FAR1: variants seen among roughly 807,000 people sequenced by gnomAD.
FAR1 encodes male sterility domain-containing protein 2.
FAR1 carries 22 observed loss-of-function variants against 61.1 expected under a neutral mutation model. The observed-to-expected ratio is 0.36, with a 90% CI of 0.26 to 0.51. The LOEUF (loss-of-function observed/expected upper bound fraction) is 0.51. Among genes scored for constraint, FAR1 ranks in the 20% least tolerant of loss-of-function variants. The pLI, the probability that FAR1 is intolerant of heterozygous loss-of-function variation, is 0.95. For synonymous variants in FAR1, 206 were observed against 209.7 expected (o/e 0.98, Z 0.15); for missense variants, 359 against 626.9 (o/e 0.57, Z 4.56).
intron 1 of FAR1, among the ~76,000 whole-genome samples, chr11:13,676,962 T>C (rs1341110263): frequency 2.0e-5 from 3 of 152,322 alleles, no homozygotes; most frequent in South Asian, 2.1e-4. Flanking sequence ...TCAATAAATT[T>C]AAAGAGTGAT....
chr11:13,676,652 G>T (rs1257832867), intron 1 of FAR1, among the ~76,000 whole-genome samples: 1 of 152,160 alleles, frequency 6.6e-6, no homozygotes, highest in South Asian at 2.1e-4. Context: ...CTTGTGGATT[G>T]TAATTAAAAT....
intron 1 of FAR1, among the ~76,000 whole-genome samples, chr11:13,680,920 T>A (rs1848120289): frequency 6.6e-6 from 1 of 152,146 alleles, no homozygotes; most frequent in African/African-American, 2.4e-5. Flanking sequence ...GAGGATTGGT[T>A]TTCAATGCTT....
intron 1 of FAR1, among the ~76,000 whole-genome samples, chr11:13,690,406 G>A (rs1331155467): frequency 6.6e-6 from 1 of 151,904 alleles, no homozygotes; most frequent in Non-Finnish European, 1.5e-5. Flanking sequence ...GTCCAGTTTA[G>A]CAATATTTTC....
intron 1 of FAR1, among the ~76,000 whole-genome samples, chr11:13,677,508 C>G (rs1848079697): frequency 6.6e-6 from 1 of 152,026 alleles, no homozygotes; most frequent in Non-Finnish European, 1.5e-5. Context: ...CTGTTTTTTC[C>G]CCACTCAAAA....
At chr11:13,724,393 AAG>A in intron 10 of FAR1, among the ~76,000 whole-genome samples, 1 of 152,028 alleles carries the variant, frequency 6.6e-6, no homozygotes, top group African/African-American at 2.4e-5. Context: ...AGAAAAAAAA[AAG>A]AAAAATTAGC....
rs1453230710 is a variant in FAR1, at chr11:13,721,042, A to G, written c.1128-688A>G. 6.6e-6 allele frequency: 1 copy of G among 152,168 alleles called. No homozygotes were observed. The highest frequency in any genetic ancestry group is 2.4e-5 in the African/African-American group (1 of 41,458). 9.4% of individuals were successfully genotyped at this position (152,168 alleles called of 1,614,324 possible). On this transcript the variant is annotated intron_variant, in intron 9 of 11. Transcript: ENST00000354817. The surrounding 1 kb of genome is among the most constrained non-coding windows in gnomAD (Gnocchi z 4.2). Reference sequence around the variant, plus strand: ...GTCTTTCTTTAAAGACACACTTTAAAAAGAGTGTCACACTCCTTTATTTCT... The same window carrying G: ...GTCTTTCTTTAAAGACACACTTTAAGAAGAGTGTCACACTCCTTTATTTCT...
chr11:13,714,819 T>A, intron 9 of FAR1, 139 bp downstream of exon 9: 1 of 709,696 alleles, frequency 1.4e-6, no homozygotes, highest in Middle Eastern at 2.8e-4. Context: ...CTCTTGAATT[T>A]AAGACTTTGT....
chr11:13,687,202 T>C (rs1166402716), intron 1 of FAR1, among the ~76,000 whole-genome samples: 1 of 152,256 alleles, frequency 6.6e-6, no homozygotes, highest in Admixed American at 6.5e-5. Flanking sequence ...TACATGGTAC[T>C]CAGCATTTTG....
Position 13,727,620 on chromosome 11 carries a change from C to G in FAR1, c.1322C>G (p.Thr441Ser). ...TATATAGAGAACTACTGCTTGGGAA[C>G]TAAGAAGTACGTATTGAATGAAGAA... ...AEYIENYCLG[T>S]KKYVLNEEMS... Residue 441 changes from threonine (T) to serine (S), a missense_variant, in exon 11 of 12, where the codon ACT becomes AGT. Thr to Ser is a moderately conservative substitution (Grantham distance 58, BLOSUM62 1). Transcript: ENST00000354817. 1 of 1,610,954 alleles carries G rather than the reference C, an allele frequency of 6.2e-7. No homozygotes were observed. Among genetic ancestry groups the G allele is most frequent in the Non-Finnish European group, 8.5e-7 (1 of 1,177,838 alleles).
chr11:13,712,084 T>A, intron 7 of FAR1, 38 bp downstream of exon 7: 1 of 1,355,518 alleles, frequency 7.4e-7, no homozygotes, highest in Non-Finnish European at 1.1e-6. Flanking sequence ...AAATATATAG[T>A]AACTGAAAAG....
At chr11:13,672,764 T>A (rs1565336656) in intron 1 of FAR1, among the ~76,000 whole-genome samples, 1 of 152,170 alleles carries the variant, frequency 6.6e-6, no homozygotes, top group Non-Finnish European at 1.5e-5. Flanking sequence ...TGAAACTGTA[T>A]GTACTGAAAG....
intron 2 of FAR1, among the ~76,000 whole-genome samples, chr11:13,697,384 C>G (rs1848319329): frequency 6.6e-6 from 1 of 151,924 alleles, no homozygotes; most frequent in Non-Finnish European, 1.5e-5. Context: ...ATTGCTGGAA[C>G]CTGGGAGGCA....
chr11:13,705,769 A>G (rs1358249636), intron 3 of FAR1, among the ~76,000 whole-genome samples: 1 of 152,182 alleles, frequency 6.6e-6, no homozygotes, highest in Non-Finnish European at 1.5e-5. Context: ...CTTGGATACT[A>G]TTAAATTAAA....
chr11:13,719,299 A>T (rs1402204710), intron 9 of FAR1, among the ~76,000 whole-genome samples: 3 of 152,242 alleles, frequency 2.0e-5, no homozygotes, highest in Non-Finnish European at 4.4e-5. Context: ...CCGGGAGCTT[A>T]TAATCTGAAT....
chr11:13,684,526 A>G (rs1291478523), intron 1 of FAR1, among the ~76,000 whole-genome samples: 2 of 152,214 alleles, frequency 1.3e-5, no homozygotes, highest in African/African-American at 4.8e-5. Flanking sequence ...TTTAAAGATA[A>G]AGAAACTGCA....
intron 1 of FAR1, among the ~76,000 whole-genome samples, chr11:13,680,050 G>T (rs1214251484): frequency 6.6e-6 from 1 of 152,156 alleles, no homozygotes; most frequent in Non-Finnish European, 1.5e-5. Flanking sequence ...ACTTACCACA[G>T]GGTTGGACAC....
intron 1 of FAR1, among the ~76,000 whole-genome samples, chr11:13,671,629 G>T (rs1258058800): frequency 6.6e-6 from 1 of 152,176 alleles, no homozygotes; most frequent in East Asian, 1.9e-4. Flanking sequence ...TTTATTGGGT[G>T]CTACTTTGTG....
intron 1 of FAR1, chr11:13,669,460 A>T (rs923685339): frequency 6.6e-6 from 1 of 152,360 alleles, no homozygotes; most frequent in Non-Finnish European, 1.5e-5. Flanking sequence ...AGAAGGTTTT[A>T]TGTGAGGTGT....
chr11:13,676,235 A>G (rs1848067388), intron 1 of FAR1, among the ~76,000 whole-genome samples: 1 of 152,208 alleles, frequency 6.6e-6, no homozygotes, highest in Admixed American at 6.5e-5. Context: ...ATTCTTGGGG[A>G]AAAACAAGCT....
Sources: allele counts gnomAD v4.1 joint callset (sites outside exome capture counted in the v4.1 genomes callset), GRCh38; gene constraint gnomAD v4.1.1; non-coding constraint Gnocchi (gnomAD v3.1); transcripts MANE v1.5; gene names NCBI Gene and HGNC (gene_info 2026-07-23, HGNC 2026-07-21).